Variants in SLCO2A1 observed in about 807,000 individuals in gnomAD.
The protein encoded by SLCO2A1 is matrin F/G 1.
SLCO2A1 carries 60 observed loss-of-function variants against 71.7 expected under a neutral mutation model. That is an observed-to-expected ratio of 0.84 (90% CI 0.68 to 1.04). The LOEUF (loss-of-function observed/expected upper bound fraction) is 1.04. SLCO2A1 is among the 50% of genes least tolerant of loss of function. The pLI is 0.00. For synonymous variants in SLCO2A1, 308 were observed against 326.7 expected (o/e 0.94, Z 0.62); for missense variants, 745 against 813.4 (o/e 0.92, Z 1.02).
At chr3:134,000,807 G>T (rs183801495) in intron 1 of SLCO2A1, among the ~76,000 whole-genome samples, 2 of 152,188 alleles carry the variant, frequency 1.3e-5, no homozygotes, top group Admixed American at 1.3e-4. Flanking sequence ...CAGACTGTAG[G>T]TAAGGTAAAT....
At chr3:134,029,279 G>A (rs1460347637) in intron 1 of SLCO2A1, among the ~76,000 whole-genome samples, 1 of 151,970 alleles carries the variant, frequency 6.6e-6, no homozygotes, top group African/African-American at 2.4e-5. Flanking sequence ...AGCGCGGGGG[G>A]TCCCCCTGGC....
chr3:133,977,444 G>A (rs1357303362), intron 2 of SLCO2A1, among the ~76,000 whole-genome samples: 2 of 152,144 alleles, frequency 1.3e-5, no homozygotes, highest in African/African-American at 4.8e-5. Context: ...GAATCCAGTT[G>A]TTTCCGGGCC....
rs150575221 is a variant in SLCO2A1 at position 133,983,967 on chromosome 3, T to G, written c.97-4349A>C. On this transcript the variant is annotated intron_variant, in intron 1 of 13. Coordinates refer to ENST00000310926, the MANE Select transcript of SLCO2A1 (RefSeq NM_005630.3). ...TTCCAGCCTGAGGGCCAGGAAGAGG[T>G]CAAAGGCATGCATGCATGGAAACGG... Among the ~76,000 whole-genome samples, 626 of 151,876 alleles carry G rather than the reference T, an allele frequency of 4.1e-3. 11 individuals carry two copies. The highest frequency in any genetic ancestry group is 0.014 in the African/African-American group (600 of 41,384).
chr3:133,959,661 C>A (rs943626868), intron 3 of SLCO2A1, among the ~76,000 whole-genome samples: 4 of 151,982 alleles, frequency 2.6e-5, no homozygotes, highest in African/African-American at 9.7e-5. Context: ...CCTGTCTCTA[C>A]TAAAAATACA....
intron 3 of SLCO2A1, among the ~76,000 whole-genome samples, chr3:133,963,043 GT>G: frequency 6.6e-6 from 1 of 152,300 alleles, no homozygotes; most frequent in African/African-American, 2.4e-5. Context: ...TGCCAGTCTA[GT>G]TTTCACAGGG....
chr3:134,009,716 C>A (rs1243026043), intron 1 of SLCO2A1, among the ~76,000 whole-genome samples: 1 of 152,218 alleles, frequency 6.6e-6, no homozygotes, highest in African/African-American at 2.4e-5. Flanking sequence ...CCTTCAGGAC[C>A]ACCACTGATG....
In SLCO2A1 at chr3:134,010,132, C is replaced by T. The variant is rs137882869; in HGVS notation, c.96+19575G>A. Among the ~76,000 whole-genome samples the T allele has an allele frequency of 7.8e-3, 1,188 of 152,244 alleles. 11 individuals carry two copies. The highest frequency in any genetic ancestry group is 0.014 in the Middle Eastern group (4 of 294). Reference sequence around the variant, plus strand: ...ATCCATACACCACCCTATGTTTTACCACATGTGTGTCCTAATGAAATGTGC... The same window carrying T: ...ATCCATACACCACCCTATGTTTTACTACATGTGTGTCCTAATGAAATGTGC... On this transcript the variant is annotated intron_variant, in intron 1 of 13. Transcript: ENST00000310926.
intron 9 of SLCO2A1, among the ~76,000 whole-genome samples, chr3:133,946,932 T>C: frequency 6.6e-6 from 1 of 151,996 alleles, no homozygotes; most frequent in Non-Finnish European, 1.5e-5. Flanking sequence ...CTGGCCAAAA[T>C]GGTGAAACCC....
rs1159016270 is a variant in SLCO2A1 at position 133,933,510 on chromosome 3, C to T, written c.*1203G>A. The T allele has an allele frequency of 6.6e-6, 1 of 152,214 alleles. No homozygotes were observed. Among genetic ancestry groups the T allele is most frequent in the East Asian group, 1.9e-4 (1 of 5,202 alleles). 9.4% of individuals were successfully genotyped at this position (152,214 alleles called of 1,614,324 possible). On this transcript the variant is annotated 3_prime_UTR_variant, in exon 14 of 14. Coordinates refer to ENST00000310926, the MANE Select transcript of SLCO2A1 (RefSeq NM_005630.3). ...GTTGATGAATGACCTCCTTCGTTGG[C>T]TTCTGTCTCTCAACATCTATCACGT...
intron 3 of SLCO2A1, chr3:133,955,419 G>C (rs539357802): frequency 2.3e-5 from 13 of 553,680 alleles, no homozygotes; most frequent in African/African-American, 1.5e-4. Context: ...TGGGCTCCCC[G>C]GCCCCAGGAG....
chr3:133,981,603 C>G (rs767558626), intron 1 of SLCO2A1, among the ~76,000 whole-genome samples: 5 of 152,190 alleles, frequency 3.3e-5, no homozygotes, highest in Non-Finnish European at 7.3e-5. Flanking sequence ...TGGGGGACAA[C>G]GTGGTTTCCA....
At chr3:133,935,993 C>A in intron 12 of SLCO2A1, 96 bp from the exon 13 acceptor site, 1 of 1,292,562 alleles carries the variant, frequency 7.7e-7, no homozygotes, top group Non-Finnish European at 1.0e-6. Context: ...AGTTCACATA[C>A]ATGAGAACGG....
chr3:133,934,878 C>G (rs1933230273), intron 13 of SLCO2A1, 48 bp from the exon 14 acceptor site: 1 of 1,484,888 alleles, frequency 6.7e-7, no homozygotes, highest in Non-Finnish European at 9.3e-7. Context: ...GCTCTGCAGC[C>G]CACATCCCAG....
chr3:134,010,547 T>C (rs1935313706), intron 1 of SLCO2A1, among the ~76,000 whole-genome samples: 1 of 151,924 alleles, frequency 6.6e-6, no homozygotes, highest in South Asian at 2.1e-4. Flanking sequence ...AGGTCAGGAC[T>C]TCAAGACCAG....
intron 12 of SLCO2A1, 77 bp downstream of exon 12, chr3:133,938,352 G>T: frequency 1.6e-6 from 2 of 1,269,124 alleles, no homozygotes; most frequent in Non-Finnish European, 2.3e-6. Flanking sequence ...TTCCTCCATC[G>T]CTACCCTGCA....
chr3:133,986,858 G>T (rs918403971), intron 1 of SLCO2A1, among the ~76,000 whole-genome samples: 3 of 152,150 alleles, frequency 2.0e-5, no homozygotes, highest in Admixed American at 1.3e-4. Context: ...GTCTAGACAT[G>T]GCTTTTTTTG....
In SLCO2A1 at chr3:134,024,965, C is replaced by T. The variant is rs367612981; in HGVS notation, c.96+4742G>A. ...TTCTAACAGGCCCAACCTCCGAGAC[C>T]ATCCTTAAACATCAGTAGACTGTGA... On this transcript the variant is annotated intron_variant, in intron 1 of 13. Coordinates refer to ENST00000310926, the MANE Select transcript of SLCO2A1 (RefSeq NM_005630.3). 2.0e-4 allele frequency among the ~76,000 whole-genome samples: 30 copies of T among 152,124 alleles called. No individual in the cohort carries two copies. In the East Asian group the frequency reaches 5.0e-3, roughly 25 times the overall value.
chr3:133,993,829 T>C (rs1427470559), intron 1 of SLCO2A1, among the ~76,000 whole-genome samples: 4 of 152,242 alleles, frequency 2.6e-5, no homozygotes. Flanking sequence ...ATATTCTTCC[T>C]ACTCTTTGTT....
chr3:134,023,268 T>C (rs898013596), intron 1 of SLCO2A1, among the ~76,000 whole-genome samples: 2 of 152,224 alleles, frequency 1.3e-5, no homozygotes, highest in Non-Finnish European at 2.9e-5. Flanking sequence ...TTTAACTCTT[T>C]TAATCTATTC....
Sources: allele counts gnomAD v4.1 joint callset (sites outside exome capture counted in the v4.1 genomes callset), GRCh38; gene constraint gnomAD v4.1.1; transcripts MANE v1.5; gene names NCBI Gene and HGNC (gene_info 2026-07-23, HGNC 2026-07-21).